ADGRL2: variants seen among roughly 807,000 people sequenced by gnomAD.
The protein encoded by ADGRL2 is adhesion G protein-coupled receptor L2.
ADGRL2 carries 44 observed loss-of-function variants against 157.4 expected under a neutral mutation model. The observed-to-expected ratio is 0.28, with a 90% CI of 0.22 to 0.36. ADGRL2 has a LOEUF of 0.36. ADGRL2 is among the 10% of genes least tolerant of loss of function. ADGRL2 has a pLI of 1.00. For synonymous variants in ADGRL2, 585 were observed against 624.7 expected (o/e 0.94, Z 0.95); for missense variants, 1,510 against 1,768.9 (o/e 0.85, Z 2.63).
chr1:81,396,202 T>C (rs1292232352), intron 1 of ADGRL2, among the ~76,000 whole-genome samples: 1 of 152,194 alleles, frequency 6.6e-6, no homozygotes. Flanking sequence ...TAGTTCTCCT[T>C]GTAGAGATCT....
upstream of ADGRL2, among the ~76,000 whole-genome samples, chr1:81,799,971 C>G (rs1053772874): frequency 3.3e-5 from 5 of 152,202 alleles, no homozygotes; most frequent in East Asian, 3.9e-4. Context: ...GTGATTCGCC[C>G]TGTCCTGCTC....
intron 2 of ADGRL2, among the ~76,000 whole-genome samples, chr1:81,454,536 G>T (rs2077764301): frequency 6.6e-6 from 1 of 152,078 alleles, no homozygotes; most frequent in South Asian, 2.1e-4. Context: ...GGGCTAATTG[G>T]TAGCAGAACA....
intron 2 of ADGRL2, among the ~76,000 whole-genome samples, chr1:81,464,723 A>G (rs1284179546): frequency 1.3e-5 from 2 of 152,168 alleles, no homozygotes; most frequent in Non-Finnish European, 2.9e-5. Context: ...TCTAAGTTTT[A>G]AAAGCCGCTC....
chr1:81,662,157 C>T (rs1379166283), intron 3 of ADGRL2, among the ~76,000 whole-genome samples: 1 of 151,914 alleles, frequency 6.6e-6, no homozygotes, highest in Admixed American at 6.6e-5. Context: ...ACAAACAATC[C>T]AGTTATACTC....
In ADGRL2 at chr1:81,613,582, A is replaced by T. The variant is rs1398741964; in HGVS notation, c.-143+32602A>T. The stretch of plus-strand genomic sequence containing the variant: ...GCAGACAGACTTCTGAAAAACTGGG[A>T]AGATGGACAAGAATAGTGAAGAAAA... On this transcript the variant is annotated intron_variant, in intron 3 of 24. Coordinates refer to the ADGRL2 transcript ENST00000370721. Among the ~76,000 whole-genome samples the T allele has an allele frequency of 2.0e-4, 23 of 114,200 alleles. No homozygotes were observed. The Admixed American group carries it at 2.3e-3, about 12-fold the overall frequency. The allele number at this position is 114,200 out of a possible 152,430, so 74.9% of individuals were successfully genotyped here.
Position 81,570,589 on chromosome 1 carries a change from A to G in ADGRL2, c.-247-10287A>G, listed in dbSNP as rs111792889. ...TTTTTAGTAGAGACGGGGTTTCGCT[A>G]TGTTGGCCAGGTTGGTCTCGAACTC... On this transcript the variant is annotated intron_variant, in intron 2 of 24. Transcript: ENST00000370721. 3.8e-3 allele frequency among the ~76,000 whole-genome samples: 576 copies of G among 152,152 alleles called. 9 individuals carry two copies. Among genetic ancestry groups the G allele is most frequent in the African/African-American group, 0.013 (542 of 41,510 alleles).
At chr1:81,471,732 T>C (rs1043227403) in intron 2 of ADGRL2, among the ~76,000 whole-genome samples, 1 of 152,228 alleles carries the variant, frequency 6.6e-6, no homozygotes, top group African/African-American at 2.4e-5. Flanking sequence ...CTGCAGGTAC[T>C]TAACTTGTGG....
At chr1:81,393,818 C>CTT (rs35350823) in intron 1 of ADGRL2, among the ~76,000 whole-genome samples, 3 of 126,628 alleles carry the variant, frequency 2.4e-5, no homozygotes, top group African/African-American at 8.2e-5. Context: ...TATTGCCTTG[C>CTT]TTTTTTTTTT....
chr1:81,628,489 G>A (rs2081952692), intron 3 of ADGRL2, among the ~76,000 whole-genome samples: 1 of 152,100 alleles, frequency 6.6e-6, no homozygotes, highest in African/African-American at 2.4e-5. Context: ...GAGTGACAAT[G>A]AGCCAGTCAC....
At chr1:81,607,178 G>T (rs554561744) in intron 3 of ADGRL2, among the ~76,000 whole-genome samples, 1 of 152,262 alleles carries the variant, frequency 6.6e-6, no homozygotes, top group East Asian at 1.9e-4. Flanking sequence ...ATATGGCATA[G>T]AATTAATGAT....
At chr1:81,744,759 A>G (rs1375958045) in intron 1 of ADGRL2, among the ~76,000 whole-genome samples, 1 of 152,148 alleles carries the variant, frequency 6.6e-6, no homozygotes, top group African/African-American at 2.4e-5. Flanking sequence ...AGAACAAAAC[A>G]GACAACTGGA....
intron 2 of ADGRL2, among the ~76,000 whole-genome samples, chr1:81,783,353 C>A (rs2086896458): frequency 1.3e-5 from 2 of 151,978 alleles, no homozygotes; most frequent in African/African-American, 4.8e-5. Context: ...TGGTCTCGAA[C>A]TCCTGAATTT....
chr1:81,540,164 T>C (rs1229689291), intron 2 of ADGRL2, among the ~76,000 whole-genome samples: 1 of 152,176 alleles, frequency 6.6e-6, no homozygotes, highest in Non-Finnish European at 1.5e-5. Flanking sequence ...CAGAGTATAA[T>C]AGCCAGGACA....
intron 10 of ADGRL2, among the ~76,000 whole-genome samples, chr1:81,953,277 G>A (rs1451294313): frequency 4.0e-5 from 6 of 151,818 alleles, no homozygotes; most frequent in African/African-American, 1.5e-4. Flanking sequence ...CCTCTTAATT[G>A]GAAAGTAATT....
Position 81,683,442 on chromosome 1 carries a change from C to T in ADGRL2, c.-142-78369C>T, listed in dbSNP as rs572752523. Among the ~76,000 whole-genome samples, 405 of 152,192 alleles carry T rather than the reference C, an allele frequency of 2.7e-3. 3 individuals carry two copies. The highest frequency in any genetic ancestry group is 9.3e-3 in the African/African-American group (385 of 41,516). On this transcript the variant is annotated intron_variant, in intron 3 of 24. Coordinates refer to the ADGRL2 transcript ENST00000370721. ...ATATTTGTAGTCTTTTATCCCTTGC[C>T]TCCCTCCCACTCTTCCCCCCAAATC... is the stretch of plus-strand genomic sequence containing the variant.
intron 3 of ADGRL2, among the ~76,000 whole-genome samples, chr1:81,927,068 A>G (rs959696453): frequency 6.6e-6 from 1 of 152,078 alleles, no homozygotes; most frequent in Non-Finnish European, 1.5e-5. Context: ...ATATTAAAGT[A>G]TGCATACTTT....
intron 1 of ADGRL2, among the ~76,000 whole-genome samples, chr1:81,751,478 C>G (rs1160760789): frequency 6.6e-6 from 1 of 152,142 alleles, no homozygotes; most frequent in Admixed American, 6.6e-5. Context: ...AAACAAGGAG[C>G]ATCTTACAAA....
chr1:81,899,616 A>G (rs1293369217), intron 2 of ADGRL2, among the ~76,000 whole-genome samples: 1 of 152,176 alleles, frequency 6.6e-6, no homozygotes, highest in East Asian at 1.9e-4. Flanking sequence ...CAAAGCTGCA[A>G]TATTGATTTT....
rs544887800 is a variant in ADGRL2 at position 81,955,924 on chromosome 1, A to G, written c.1881A>G (p.Glu627=). The G allele has an allele frequency of 1.1e-4, 179 of 1,605,486 alleles. 1 individual carries two copies. In the South Asian group the frequency reaches 1.8e-3, roughly 16 times the overall value. ...ACCTTCTGAGACCCGAAGCTTTGGA[A>G]TCATGGAAACATATGAATTCTTCTG... ...VDNLLRPEAL[E]SWKHMNSSEQ... is the part of the protein sequence containing the mutation. The change falls in exon 11 of 24, where the codon GAA becomes GAG. Residue 627 remains glutamate, a synonymous_variant. Coordinates refer to ENST00000686636, the MANE Select transcript of ADGRL2 (RefSeq NM_001366006.2).
Sources: gnomAD v4.1 joint callset for allele counts (sites outside exome capture counted in the v4.1 genomes callset) on GRCh38, gnomAD v4.1.1 for gene constraint, MANE v1.5 for transcripts, NCBI Gene and HGNC (gene_info 2026-07-23, HGNC 2026-07-21) for gene names.